The following SLC26A7 variants were observed in gnomAD, a reference collection of about 807,000 sequenced individuals.
The protein encoded by SLC26A7 is solute carrier family 26 member 7.
A neutral mutation model predicts 82.5 loss-of-function variants in SLC26A7; 59 were observed. The ratio of observed to expected loss-of-function variants is 0.72; its 90% CI spans 0.58 to 0.89. The LOEUF (loss-of-function observed/expected upper bound fraction) is 0.89, where lower values mean the gene tolerates loss of function less well. SLC26A7 is among the 40% of genes least tolerant of loss of function. The pLI is 0.00. For missense variants in SLC26A7, 820 were observed against 793.0 expected (o/e 1.03, Z -0.41); for synonymous variants, 271 against 274.3 (o/e 0.99, Z 0.12).
intron 2 of SLC26A7, among the ~76,000 whole-genome samples, chr8:91,236,142 G>A (rs996888352): frequency 3.3e-5 from 5 of 152,094 alleles, no homozygotes; most frequent in Admixed American, 3.3e-4. Context: ...CTTAATTTGT[G>A]TTTTGGGAAA....
rs1187973744 is a variant in SLC26A7 at position 91,325,388 on chromosome 8, C to T, written c.642+7008C>T. 2.0e-5 allele frequency among the ~76,000 whole-genome samples: 3 copies of T among 152,218 alleles called. No homozygotes were observed. The East Asian group carries it at 5.8e-4, about 29-fold the overall frequency. On this transcript the variant is annotated intron_variant, in intron 5 of 18. Transcript: ENST00000276609. ...TACCCCCTGCACCACCCCCATCTGC[C>T]TATGATAGGGAAAATATGAAAATTC...
chr8:91,300,727 A>G (rs535736286), intron 4 of SLC26A7, among the ~76,000 whole-genome samples: 1 of 152,306 alleles, frequency 6.6e-6, no homozygotes, highest in South Asian at 2.1e-4. Context: ...ACAAAATCAT[A>G]TGACTGGTGA....
At chr8:91,341,258 A>T (rs898166765) in intron 8 of SLC26A7, among the ~76,000 whole-genome samples, 12 of 151,628 alleles carry the variant, frequency 7.9e-5, no homozygotes, top group African/African-American at 2.7e-4. Flanking sequence ...TGTTCTTGCG[A>T]TAGTTTACTG....
At chr8:91,279,149 A>ATATG (rs1563656945) in intron 2 of SLC26A7, among the ~76,000 whole-genome samples, 1 of 110,472 alleles carries the variant, frequency 9.1e-6, no homozygotes, top group African/African-American at 4.0e-5. Context: ...ATATATATAT[A>ATATG]TATATATATA....
Position 91,225,206 on chromosome 8 carries a change from T to C in SLC26A7, c.-34+6201T>C, listed in dbSNP as rs551772381. On this transcript the variant is annotated intron_variant, in intron 2 of 5. Transcript: ENST00000522862. ...AGTGGCAGCAGGTGCTGGTTGCTCC[T>C]CCTTCTGGGAGTTCATTAGGCTTGA... Among the ~76,000 whole-genome samples, 15 of 152,338 alleles carry C rather than the reference T, an allele frequency of 9.8e-5. 1 individual carries two copies. The South Asian group carries it at 3.1e-3, about 32-fold the overall frequency.
At position 91,344,009 on chromosome 8, in the gene SLC26A7, AGAT is replaced by A. The variant is rs200168503; in HGVS notation, c.1140+558_1140+560del. ...CCAGGCATTCTGCTGGGTACTGGTA[AGAT>A]GATGATGATGATGACGATGTTGATG... On this transcript the variant is annotated intron_variant, in intron 9 of 18. Transcript: ENST00000276609. 1.7e-3 allele frequency: 1,597 copies of A among 962,278 alleles called. 19 individuals carry two copies. In the African/African-American group the frequency reaches 0.024, roughly 14 times the overall value. The allele number at this position is 962,278 out of a possible 1,614,324, so 59.6% of individuals were successfully genotyped here. A position where few individuals can be genotyped will look rare whatever the true frequency, so the allele number is the denominator to read the frequency against.
At chr8:91,300,365 T>C (rs1407618458) in intron 4 of SLC26A7, among the ~76,000 whole-genome samples, 1 of 152,174 alleles carries the variant, frequency 6.6e-6, no homozygotes, top group African/African-American at 2.4e-5. Flanking sequence ...TCTTTTAGTA[T>C]TTGAATTAGT....
intron 4 of SLC26A7, among the ~76,000 whole-genome samples, chr8:91,298,918 C>T (rs1016703301): frequency 3.9e-5 from 6 of 152,110 alleles, no homozygotes; most frequent in African/African-American, 1.2e-4. Flanking sequence ...AATTCCCTTC[C>T]GAAGGGGTTG....
intron 6 of SLC26A7, 43 bp from the exon 7 acceptor site, chr8:91,338,107 A>G: frequency 1.4e-6 from 2 of 1,432,308 alleles, no homozygotes; most frequent in Non-Finnish European, 1.9e-6. Flanking sequence ...TTGAGAGGTC[A>G]GTAATGTATA....
intron 11 of SLC26A7, among the ~76,000 whole-genome samples, chr8:91,359,278 T>C (rs1483463046): frequency 3.3e-5 from 5 of 152,104 alleles, no homozygotes; most frequent in Admixed American, 1.3e-4. Context: ...ACTTGTGAAA[T>C]GATTGGATAA....
upstream of SLC26A7, among the ~76,000 whole-genome samples, chr8:91,244,484 AT>A (rs35235921): frequency 0.076 from 10,481 of 137,036 alleles, 505 homozygotes; most frequent in African/African-American, 0.15. Context: ...TTCCCTAGGC[AT>A]TTTTTTTTTT....
At chr8:91,337,139 T>C (rs1813265111) in intron 6 of SLC26A7, among the ~76,000 whole-genome samples, 1 of 150,464 alleles carries the variant, frequency 6.6e-6, no homozygotes, top group Non-Finnish European at 1.5e-5. Flanking sequence ...GTTTTGCTTT[T>C]TAAGCCTATT....
intron 15 of SLC26A7, among the ~76,000 whole-genome samples, chr8:91,377,772 G>A (rs1370702010): frequency 6.6e-5 from 10 of 152,100 alleles, no homozygotes; most frequent in East Asian, 5.8e-4. Context: ...TATGTTTTCC[G>A]TGAACTCTGA....
intron 4 of SLC26A7, among the ~76,000 whole-genome samples, chr8:91,303,137 C>G (rs1192754000): frequency 1.3e-5 from 2 of 152,050 alleles, no homozygotes; most frequent in African/African-American, 4.8e-5. Context: ...ACAGTAGCAG[C>G]CAAGAAAGGA....
chr8:91,388,332 C>T (rs995941040), intron 15 of SLC26A7, among the ~76,000 whole-genome samples: 4 of 151,698 alleles, frequency 2.6e-5, no homozygotes, highest in Non-Finnish European at 4.4e-5. Context: ...CTGCAAGCTC[C>T]GCCTCCCGGG....
chr8:91,239,132 A>T (rs530392613), intron 2 of SLC26A7, among the ~76,000 whole-genome samples: 1 of 152,168 alleles, frequency 6.6e-6, no homozygotes, highest in South Asian at 2.1e-4. Flanking sequence ...GCACTTTGGG[A>T]GGCCAAGACG....
Position 91,389,451 on chromosome 8 carries a change from C to A in SLC26A7, c.1776+13C>A. ...CATGCTTGTTGAGGTATTTATGGAACTTGTGTTTAGAACTGTTTCTTCCCT... is the reference window on the plus strand; with the variant it reads ...CATGCTTGTTGAGGTATTTATGGAAATTGTGTTTAGAACTGTTTCTTCCCT... On this transcript the variant is annotated intron_variant, in intron 16 of 18. Transcript: ENST00000276609. 2 of 1,582,128 alleles carry A rather than the reference C, an allele frequency of 1.3e-6. No individual in the cohort carries two copies. The highest frequency in any genetic ancestry group is 1.7e-6 in the Non-Finnish European group (2 of 1,150,986).
rs892545122 is a variant in SLC26A7 at position 91,305,233 on chromosome 8, G to GT, written c.477+9540dup. ...TGTTAAATAACCAAAATTAAATTGA[G>GT]TTTTTTTTTTCATCCTTCACCGGAA... On this transcript the variant is annotated intron_variant, in intron 4 of 18. Coordinates refer to ENST00000276609, the MANE Select transcript of SLC26A7 (RefSeq NM_052832.4). 2.8e-4 allele frequency among the ~76,000 whole-genome samples: 42 copies of GT among 149,352 alleles called. No homozygotes were observed. In the South Asian group the frequency reaches 6.4e-3, roughly 23 times the overall value.
intron 2 of SLC26A7, among the ~76,000 whole-genome samples, chr8:91,280,784 C>A (rs151027160): frequency 6.6e-6 from 1 of 152,310 alleles, no homozygotes; most frequent in East Asian, 1.9e-4. Flanking sequence ...TCCAGTCAGC[C>A]ACCTTTGGCC....
Sources: allele counts gnomAD v4.1 joint callset (sites outside exome capture counted in the v4.1 genomes callset), GRCh38; gene constraint gnomAD v4.1.1; transcripts MANE v1.5; gene names NCBI Gene and HGNC (gene_info 2026-07-23, HGNC 2026-07-21).